The following ADGRV1 variants were observed in gnomAD, a reference collection of about 807,000 sequenced individuals.
ADGRV1 encodes adhesion G protein-coupled receptor V1.
In ADGRV1, 359 loss-of-function variants were observed where a neutral mutation model predicts 596.2. The ratio of observed to expected loss-of-function variants is 0.60; its 90% CI spans 0.55 to 0.66. The LOEUF (loss-of-function observed/expected upper bound fraction) is 0.66, where lower values mean the gene tolerates loss of function less well. Ranked by LOEUF, ADGRV1 falls within the 30% of genes least tolerant of loss-of-function variation. The pLI is 0.00. For missense variants in ADGRV1, 7,274 were observed against 7,575.6 expected (o/e 0.96, Z 1.48); for synonymous variants, 2,681 against 2,679.2 (o/e 1.00, Z -0.02).
intron 9 of ADGRV1, among the ~76,000 whole-genome samples, chr5:90,633,752 G>C (rs919693212): frequency 3.3e-5 from 5 of 151,618 alleles, no homozygotes; most frequent in Non-Finnish European, 5.9e-5. Context: ...ATTTTATGTG[G>C]CTTCATCTAT....
At chr5:91,146,949 C>T (rs937891747) in intron 87 of ADGRV1, among the ~76,000 whole-genome samples, 1 of 152,058 alleles carries the variant, frequency 6.6e-6, no homozygotes, top group African/African-American at 2.4e-5. Context: ...ATCTCTTGAG[C>T]TCAGGGATTC....
chr5:90,583,037 T>G (rs1758271338), intron 1 of ADGRV1, among the ~76,000 whole-genome samples: 1 of 152,202 alleles, frequency 6.6e-6, no homozygotes, highest in South Asian at 2.1e-4. Flanking sequence ...CTACCAAAAG[T>G]ATAAATAATT....
At chr5:90,753,545 A>G in intron 53 of ADGRV1, 29 bp from the exon 54 acceptor site, 1 of 1,529,252 alleles carries the variant, frequency 6.5e-7, no homozygotes, top group Non-Finnish European at 9.0e-7. Flanking sequence ...TTACAAAATA[A>G]ATAACATCTT....
intron 83 of ADGRV1, among the ~76,000 whole-genome samples, chr5:90,904,871 C>T (rs1385659150): frequency 6.6e-6 from 1 of 151,108 alleles, no homozygotes; most frequent in Non-Finnish European, 1.5e-5. Flanking sequence ...AGTTTGAGGT[C>T]TTAGGTTTAA....
chr5:90,966,953 T>C (rs982438469), intron 84 of ADGRV1, among the ~76,000 whole-genome samples: 2 of 152,212 alleles, frequency 1.3e-5, no homozygotes, highest in African/African-American at 4.8e-5. Flanking sequence ...GGCCCTTGCA[T>C]ATTCTTTTTT....
chr5:90,934,865 C>T (rs895093955), intron 83 of ADGRV1, among the ~76,000 whole-genome samples: 4 of 152,174 alleles, frequency 2.6e-5, no homozygotes, highest in African/African-American at 9.6e-5. Context: ...ATGACCTCTT[C>T]TGTCTGTGTA....
At chr5:90,824,729 A>G (rs1239745590) in intron 76 of ADGRV1, among the ~76,000 whole-genome samples, 2 of 152,268 alleles carry the variant, frequency 1.3e-5, no homozygotes, top group Admixed American at 6.5e-5. Flanking sequence ...AATGAAACCA[A>G]TTTTACCATA....
At chr5:91,009,857 C>T (rs889135662) in intron 85 of ADGRV1, among the ~76,000 whole-genome samples, 1 of 151,832 alleles carries the variant, frequency 6.6e-6, no homozygotes, top group Non-Finnish European at 1.5e-5. Context: ...CTAAAAGCAT[C>T]GGAAAATTAA....
At chr5:90,938,724 G>A (rs182503601) in intron 83 of ADGRV1, among the ~76,000 whole-genome samples, 5 of 152,266 alleles carry the variant, frequency 3.3e-5, no homozygotes, top group Non-Finnish European at 2.9e-5. Context: ...CCAGCTTATT[G>A]TTAATAATAG....
intron 86 of ADGRV1, among the ~76,000 whole-genome samples, chr5:91,099,993 G>A (rs144886124): frequency 0.012 from 1,884 of 152,246 alleles, 45 homozygotes; most frequent in African/African-American, 0.043. Context: ...AAAGAAACCA[G>A]GACTGGGGCA....
In ADGRV1 at chr5:90,637,836, T is replaced by C; in HGVS notation, c.2128T>C (p.Phe710Leu). Residue 710 changes from phenylalanine to leucine, a missense_variant, in exon 11 of 90, where the codon TTT (phenylalanine) becomes CTT (leucine). Phe to Leu is a conservative substitution (Grantham distance 22, BLOSUM62 0). This residue lies in a region of ADGRV1 where 1,715 missense variants were observed against 1,708.8 expected (regional missense o/e 1.00). Transcript: ENST00000405460. ...AGTGACCCCGGATGATATAGGCCCC[T>C]TTAATGGCTCTGTTTTGTTTTTATC... Reference protein sequence around the residue: ...KAVTPDDIGPFNGSVLFLSGQ... With the variant: ...KAVTPDDIGPLNGSVLFLSGQ... 1 of 1,613,708 alleles carries C rather than the reference T, an allele frequency of 6.2e-7. No homozygotes were observed. Among genetic ancestry groups the C allele is most frequent in the Non-Finnish European group, 8.5e-7 (1 of 1,179,752 alleles).
intron 83 of ADGRV1, among the ~76,000 whole-genome samples, chr5:90,945,974 C>A (rs943142486): frequency 2.4e-5 from 3 of 127,640 alleles, no homozygotes; most frequent in Non-Finnish European, 3.7e-5. Context: ...AGAGTGAGAC[C>A]CTTTCTCAAA....
chr5:90,873,992 A>C (rs1020434175), intron 83 of ADGRV1, among the ~76,000 whole-genome samples: 1 of 152,088 alleles, frequency 6.6e-6, no homozygotes. Context: ...CTTTCTCCAT[A>C]GTCTGTTCTC....
chr5:90,656,744 ACT>A (rs1491469387), intron 20 of ADGRV1, among the ~76,000 whole-genome samples: 1 of 152,202 alleles, frequency 6.6e-6, no homozygotes, highest in African/African-American at 2.4e-5. Context: ...TATTGCTTGT[ACT>A]TTTTTTTCCA....
chr5:91,035,861 T>TAATATATATATATATAATATATATAATA, intron 85 of ADGRV1, among the ~76,000 whole-genome samples: 1 of 96,404 alleles, frequency 1.0e-5, no homozygotes, highest in East Asian at 2.5e-4. Flanking sequence ...TATATATATA[T>TAATATATATATATATAATATATATAATA]TATATATATA....
chr5:90,899,500 G>C (rs1490052717), intron 83 of ADGRV1, among the ~76,000 whole-genome samples: 1 of 152,118 alleles, frequency 6.6e-6, no homozygotes, highest in Non-Finnish European at 1.5e-5. Flanking sequence ...CTGGGAACTT[G>C]TTAGTCTGCC....
chr5:90,715,281 A>T (rs949435160), intron 42 of ADGRV1, among the ~76,000 whole-genome samples: 1 of 152,162 alleles, frequency 6.6e-6, no homozygotes, highest in Non-Finnish European at 1.5e-5. Flanking sequence ...GGCAACTGAC[A>T]CTCAGTCCTG....
intron 9 of ADGRV1, 76 bp downstream of exon 9, chr5:90,629,615 A>G: frequency 9.4e-7 from 1 of 1,066,598 alleles, no homozygotes; most frequent in South Asian, 1.6e-5. Flanking sequence ...AATTAACTGA[A>G]CATTATTTTG....
intron 1 of ADGRV1, among the ~76,000 whole-genome samples, chr5:90,608,800 A>G (rs1762402713): frequency 6.6e-6 from 1 of 151,902 alleles, no homozygotes; most frequent in African/African-American, 2.4e-5. Context: ...GATAGAAACA[A>G]GGATCCCAGG....
Sources: allele counts gnomAD v4.1 joint callset (sites outside exome capture counted in the v4.1 genomes callset), GRCh38; gene constraint gnomAD v4.1.1; regional missense constraint gnomAD v4.1.1; transcripts MANE v1.5; gene names NCBI Gene and HGNC (gene_info 2026-07-23, HGNC 2026-07-21).